ATP6V0A4: variants seen among roughly 807,000 people sequenced by gnomAD.
ATP6V0A4 encodes the protein ATPase H+ transporting V0 subunit a4.
In ATP6V0A4, 86 loss-of-function variants were observed where a neutral mutation model predicts 107.3. The observed-to-expected ratio is 0.80, with a 90% confidence interval of 0.67 to 0.96. The LOEUF is 0.96. Among genes scored for constraint, ATP6V0A4 ranks in the 40% least tolerant of loss-of-function variants. ATP6V0A4 has a pLI of 0.00. For missense variants in ATP6V0A4, 908 were observed against 1,045.6 expected (o/e 0.87, Z 1.81); for synonymous variants, 353 against 381.4 (o/e 0.93, Z 0.87).
At chr7:138,749,668 C>T (rs1806132075) in intron 11 of ATP6V0A4, among the ~76,000 whole-genome samples, 1 of 152,108 alleles carries the variant, frequency 6.6e-6, no homozygotes, top group Admixed American at 6.5e-5. Context: ...CTGGCCCTTC[C>T]CCAATTTTTT....
At chr7:138,739,852 G>C (rs760139440) in intron 14 of ATP6V0A4, among the ~76,000 whole-genome samples, 6 of 151,916 alleles carry the variant, frequency 3.9e-5, no homozygotes, top group Non-Finnish European at 5.9e-5. Flanking sequence ...CTATAGTAAA[G>C]AAACTCAGGG....
chr7:138,745,124 T>C lies in ATP6V0A4; in HGVS notation c.1477A>G (p.Asn493Asp). 6.2e-7 allele frequency: 1 copy of C among 1,612,842 alleles called. No individual in the cohort carries two copies. Among genetic ancestry groups the C allele is most frequent in the Non-Finnish European group, 8.5e-7 (1 of 1,178,780 alleles). Residue 493 changes from asparagine to aspartate, a missense_variant and splice_region_variant, in exon 14 of 22, where the codon AAT becomes GAT. By Grantham distance (23) the Asn-to-Asp change is conservative. Coordinates refer to ENST00000310018, the MANE Select transcript of ATP6V0A4 (RefSeq NM_020632.3). ...CACCATCTCTGTCTGTCAACTCACT[T>C]CCATGTGCCGTTTCTGAACATGGGT... ...VQPMFRNGTW[N>D]THVMEESLYL...
chr7:138,755,609 G>T, intron 10 of ATP6V0A4, 80 bp downstream of exon 10: 1 of 1,584,108 alleles, frequency 6.3e-7, no homozygotes, highest in East Asian at 2.2e-5. Flanking sequence ...AGGGCCCTGG[G>T]GGGCAGGGCT....
chr7:138,731,502 G>A (rs1040415672), intron 17 of ATP6V0A4, among the ~76,000 whole-genome samples: 5 of 152,104 alleles, frequency 3.3e-5, no homozygotes, highest in South Asian at 2.1e-4. Flanking sequence ...CACTGGGAGA[G>A]GCCAGGGGGA....
intron 18 of ATP6V0A4, among the ~76,000 whole-genome samples, chr7:138,725,507 A>AC (rs1343485407): frequency 2.7e-5 from 4 of 149,354 alleles, no homozygotes; most frequent in Non-Finnish European, 5.9e-5. Flanking sequence ...GGAAGAAGGC[A>AC]AAAAAAACTT....
chr7:138,794,983 C>T (rs952441905), intron 1 of ATP6V0A4, among the ~76,000 whole-genome samples: 1 of 151,826 alleles, frequency 6.6e-6, no homozygotes, highest in African/African-American at 2.4e-5. Flanking sequence ...CTATAACCTC[C>T]ACCTCCCCAG....
intron 1 of ATP6V0A4, among the ~76,000 whole-genome samples, chr7:138,789,820 T>C (rs1222258048): frequency 6.6e-6 from 1 of 151,282 alleles, no homozygotes; most frequent in African/African-American, 2.4e-5. Context: ...AAATACAAAA[T>C]TAGCTGGGCA....
At chr7:138,743,122 C>T (rs1034448776) in intron 14 of ATP6V0A4, among the ~76,000 whole-genome samples, 1 of 152,114 alleles carries the variant, frequency 6.6e-6, no homozygotes, top group African/African-American at 2.4e-5. Flanking sequence ...TCTGTGCCAA[C>T]ATCAAGCCCT....
At position 138,737,113 on chromosome 7, in the gene ATP6V0A4, TTA is replaced by T. The variant is rs147967816; in HGVS notation, c.1572+2425_1572+2426del. ...GTGTTATGTAAAAAGTAAGCCCTTA[TTA>T]ATATATATATATGATACAAACTAAC... On this transcript the variant is annotated intron_variant, in intron 15 of 21. Transcript: ENST00000310018. Among the ~76,000 whole-genome samples the T allele has an allele frequency of 2.0e-3, 219 of 112,212 alleles. 5 individuals are homozygous for T. Among genetic ancestry groups the T allele is most frequent in the East Asian group, 4.5e-3 (9 of 2,018 alleles). The allele number at this position is 112,212 out of a possible 152,430, so 73.6% of individuals were successfully genotyped here. A position where few individuals can be genotyped will look rare whatever the true frequency, so the allele number is the denominator to read the frequency against.
At chr7:138,740,965 G>C (rs941150369) in intron 14 of ATP6V0A4, among the ~76,000 whole-genome samples, 1 of 150,478 alleles carries the variant, frequency 6.6e-6, no homozygotes, top group Non-Finnish European at 1.5e-5. Context: ...CAACAATGGT[G>C]AAACCCCATC....
chr7:138,756,236 C>T (rs571711891), intron 9 of ATP6V0A4, among the ~76,000 whole-genome samples: 1 of 152,346 alleles, frequency 6.6e-6, no homozygotes, highest in South Asian at 2.1e-4. Flanking sequence ...AAATGGGGAA[C>T]ATGTCCACTT....
intron 1 of ATP6V0A4, among the ~76,000 whole-genome samples, chr7:138,792,891 AAAG>A: frequency 6.6e-6 from 1 of 151,688 alleles, no homozygotes; most frequent in South Asian, 2.1e-4. Context: ...AGAAAAGTTG[AAAG>A]TAATATGATG....
chr7:138,774,538 G>A (rs994276167), intron 2 of ATP6V0A4, among the ~76,000 whole-genome samples: 4 of 150,312 alleles, frequency 2.7e-5, no homozygotes, highest in Non-Finnish European at 5.9e-5. Flanking sequence ...CCTAGATCAC[G>A]CCACTGCACT....
At chr7:138,793,560 C>T (rs1028355795) in intron 1 of ATP6V0A4, among the ~76,000 whole-genome samples, 22 of 152,066 alleles carry the variant, frequency 1.4e-4, no homozygotes, top group African/African-American at 4.3e-4. Context: ...ATGGACTTAC[C>T]CGGAGCACTG....
chr7:138,786,738 C>T (rs577271252), intron 1 of ATP6V0A4, among the ~76,000 whole-genome samples: 38 of 152,226 alleles, frequency 2.5e-4, no homozygotes, highest in African/African-American at 8.9e-4. Context: ...AAGCAGCCCT[C>T]CCACCTCAGC....
chr7:138,781,418 C>T (rs1052941504), intron 2 of ATP6V0A4, among the ~76,000 whole-genome samples: 1 of 152,004 alleles, frequency 6.6e-6, no homozygotes, highest in African/African-American at 2.4e-5. Flanking sequence ...GCAGCCTCCA[C>T]CTCCTGGGTT....
chr7:138,778,904 G>A (rs1473688700), intron 2 of ATP6V0A4, among the ~76,000 whole-genome samples: 1 of 152,164 alleles, frequency 6.6e-6, no homozygotes, highest in Admixed American at 6.5e-5. Context: ...CATTGATGGT[G>A]AAGATCACAT....
chr7:138,793,153 G>C (rs1808503878), intron 1 of ATP6V0A4, among the ~76,000 whole-genome samples: 2 of 152,020 alleles, frequency 1.3e-5, no homozygotes, highest in Non-Finnish European at 2.9e-5. Flanking sequence ...AAATTACCCG[G>C]GGGTGGTGGC....
chr7:138,755,020 C>T (rs889472184), intron 10 of ATP6V0A4, among the ~76,000 whole-genome samples: 6 of 152,158 alleles, frequency 3.9e-5, no homozygotes, highest in Admixed American at 3.3e-4. Context: ...ACATGTGGCT[C>T]GTGACTACAG....
Sources: allele counts gnomAD v4.1 joint callset (sites outside exome capture counted in the v4.1 genomes callset), GRCh38; gene constraint gnomAD v4.1.1; transcripts MANE v1.5; gene names NCBI Gene and HGNC (gene_info 2026-07-23, HGNC 2026-07-21).